The following LAMA2 variants were observed in gnomAD, a reference collection of about 807,000 sequenced individuals.
The protein encoded by LAMA2 is laminin subunit alpha-2.
LAMA2 carries 269 observed loss-of-function variants against 364.8 expected under a neutral mutation model. The ratio of observed to expected loss-of-function variants is 0.74; its 90% CI spans 0.67 to 0.82. LAMA2 has a LOEUF of 0.82. Ranked by LOEUF, LAMA2 falls within the 40% of genes least tolerant of loss-of-function variation. The probability of loss-of-function intolerance (pLI) is 0.00; values close to 1 mark genes in which losing one functional copy is unlikely to be tolerated. For synonymous variants in LAMA2, 1,379 were observed against 1,370.6 expected (o/e 1.01, Z -0.14); for missense variants, 3,807 against 3,873.2 (o/e 0.98, Z 0.45).
chr6:128,954,823 A>G (rs1042400380), intron 1 of LAMA2, among the ~76,000 whole-genome samples: 2 of 151,968 alleles, frequency 1.3e-5, no homozygotes, highest in East Asian at 1.9e-4. Flanking sequence ...ACTAGATTGC[A>G]TAAGATAAGC....
At chr6:129,355,850 C>CAGAAA (rs906385972) in intron 32 of LAMA2, among the ~76,000 whole-genome samples, 1 of 152,010 alleles carries the variant, frequency 6.6e-6, no homozygotes, top group Non-Finnish European at 1.5e-5. Flanking sequence ...ATTTCAAAAA[C>CAGAAA]AGAAAAGAAA....
chr6:129,505,401 CA>C (rs1454378455), intron 61 of LAMA2, 46 bp downstream of exon 61: 3 of 1,489,134 alleles, frequency 2.0e-6, no homozygotes, highest in Admixed American at 3.3e-5. Flanking sequence ...ATGGCTGATT[CA>C]TTTATTGATA....
chr6:129,005,079 G>A (rs942030859), intron 1 of LAMA2, among the ~76,000 whole-genome samples: 6 of 151,794 alleles, frequency 4.0e-5, no homozygotes, highest in African/African-American at 7.3e-5. Flanking sequence ...TTACTCTAAT[G>A]TGTTTTATTT....
At chr6:128,971,072 T>C (rs1042862933) in intron 1 of LAMA2, among the ~76,000 whole-genome samples, 1 of 152,224 alleles carries the variant, frequency 6.6e-6, no homozygotes, top group African/African-American at 2.4e-5. Flanking sequence ...TGTGCGTCCT[T>C]AGCTTTGACC....
rs1462835620 is a variant in LAMA2, at chr6:129,314,771, T to C, written c.3528T>C (p.Ser1176=). 4 of 1,614,072 alleles carry C rather than the reference T, an allele frequency of 2.5e-6. No individual in the cohort carries two copies. The highest frequency in any genetic ancestry group is 2.7e-5 in the African/African-American group (2 of 75,040). Residue 1176 remains serine (S), a synonymous_variant, in exon 24 of 65, where the codon TCT becomes TCC. Coordinates refer to ENST00000421865, the MANE Select transcript of LAMA2 (RefSeq NM_000426.4). ...CYCFGTTTQC[S]EAKGLIRTWV... Reference sequence around the variant, plus strand: ...GCTTCGGCACTACTACCCAGTGCTCTGAAGCAAAAGGACTGATCCGGACGT... The same window carrying C: ...GCTTCGGCACTACTACCCAGTGCTCCGAAGCAAAAGGACTGATCCGGACGT...
At chr6:129,442,168 A>G in intron 43 of LAMA2, 1 of 1,300,606 alleles carries the variant, frequency 7.7e-7, no homozygotes, top group Non-Finnish European at 1.0e-6. Context: ...TATGCCATAA[A>G]ATTCAAATGC....
chr6:129,354,460 T>G (rs1777040904), intron 32 of LAMA2, among the ~76,000 whole-genome samples: 1 of 152,122 alleles, frequency 6.6e-6, no homozygotes, highest in African/African-American at 2.4e-5. Context: ...TGATAGTATA[T>G]ACACACTAAT....
intron 8 of LAMA2, among the ~76,000 whole-genome samples, chr6:129,157,337 GT>G (rs1451450320): frequency 2.0e-5 from 3 of 152,178 alleles, no homozygotes; most frequent in Non-Finnish European, 4.4e-5. Context: ...AGAATGAAGT[GT>G]TTAGAAGTTC....
chr6:129,452,056 C>G (rs1782701321), intron 45 of LAMA2, among the ~76,000 whole-genome samples: 1 of 152,210 alleles, frequency 6.6e-6, no homozygotes, highest in Admixed American at 6.5e-5. Context: ...GATTTTACAT[C>G]TTCCCCTCTC....
intron 58 of LAMA2, among the ~76,000 whole-genome samples, chr6:129,496,171 T>C (rs1785175811): frequency 1.3e-5 from 2 of 152,076 alleles, no homozygotes; most frequent in South Asian, 2.1e-4. Flanking sequence ...GTTTGTTTGT[T>C]TGTCTGTTTT....
intron 1 of LAMA2, among the ~76,000 whole-genome samples, chr6:128,984,988 A>C (rs1297478866): frequency 6.6e-6 from 1 of 152,212 alleles, no homozygotes; most frequent in Non-Finnish European, 1.5e-5. Context: ...TGGTATGTCT[A>C]AGATACGTTA....
At position 129,514,391 on chromosome 6, in the gene LAMA2, A is replaced by C. The variant is rs371558408; in HGVS notation, c.9007A>C (p.Asn3003His). The change falls in exon 64 of 65, where the codon AAT becomes CAT. Residue 3003 changes from asparagine to histidine, a missense_variant. Asn to His is a moderately conservative substitution (Grantham distance 68, BLOSUM62 1). Coordinates refer to ENST00000421865, the MANE Select transcript of LAMA2 (RefSeq NM_000426.4). ...TTTCCAGTTGATGTTTCATGTGGACAATGGTGCGGGCAGATTCACTGCTGT... is the reference window on the plus strand; with the variant it reads ...TTTCCAGTTGATGTTTCATGTGGACCATGGTGCGGGCAGATTCACTGCTGT... ...IDEKLMFHVDNGAGRFTAVYD... is the reference protein window; with the variant it reads ...IDEKLMFHVDHGAGRFTAVYD... 1.9e-6 allele frequency: 3 copies of C among 1,613,488 alleles called. No homozygotes were observed. The highest frequency in any genetic ancestry group is 2.7e-5 in the African/African-American group (2 of 74,888).
At chr6:128,927,837 T>TA (rs1026502556) in intron 1 of LAMA2, among the ~76,000 whole-genome samples, 4 of 152,236 alleles carry the variant, frequency 2.6e-5, no homozygotes, top group Non-Finnish European at 4.4e-5. Flanking sequence ...TTGCTAATTT[T>TA]AAAAAATGAA....
In LAMA2 at chr6:128,921,711, T is replaced by TA. The variant is rs1554324961; in HGVS notation, c.112+38354_112+38355insA. On this transcript the variant is annotated intron_variant, in intron 1 of 64. Coordinates refer to ENST00000421865, the MANE Select transcript of LAMA2 (RefSeq NM_000426.4). Reference sequence around the variant, plus strand: ...AATGAATGTCTGTTTTTTTTTTTTTTTTATTATTATTATACTTTAAGTTTT... The same window carrying TA: ...AATGAATGTCTGTTTTTTTTTTTTTTATTATTATTATTATACTTTAAGTTTT... Among the ~76,000 whole-genome samples the TA allele has an allele frequency of 2.7e-4, 37 of 138,798 alleles. 1 individual carries two copies. Among genetic ancestry groups the TA allele is most frequent in the Middle Eastern group, 3.6e-3 (1 of 274 alleles). 91.1% of individuals were successfully genotyped at this position (138,798 alleles called of 152,430 possible).
intron 8 of LAMA2, among the ~76,000 whole-genome samples, chr6:129,162,893 G>C (rs1488009445): frequency 6.8e-6 from 1 of 147,986 alleles, no homozygotes; most frequent in African/African-American, 2.6e-5. Context: ...AGAACTAGGA[G>C]GGGGGGGAAG....
At chr6:129,108,447 A>G (rs1316448424) in intron 4 of LAMA2, among the ~76,000 whole-genome samples, 2 of 152,114 alleles carry the variant, frequency 1.3e-5, no homozygotes, top group African/African-American at 4.8e-5. Flanking sequence ...CTAGTGTTTT[A>G]GTGTCTTTAG....
intron 4 of LAMA2, among the ~76,000 whole-genome samples, chr6:129,123,146 A>G (rs1260915373): frequency 6.6e-6 from 1 of 151,848 alleles, no homozygotes; most frequent in East Asian, 1.9e-4. Context: ...CTACTAAAAA[A>G]CATCCAAAAA....
intron 22 of LAMA2, among the ~76,000 whole-genome samples, chr6:129,312,389 T>C (rs9402117): frequency 0.037 from 5,626 of 152,312 alleles, 181 homozygotes; most frequent in East Asian, 0.14. Flanking sequence ...TCACATAGCA[T>C]TTTGGACTTC....
chr6:129,173,357 T>G (rs1032419737), intron 9 of LAMA2, among the ~76,000 whole-genome samples: 4 of 152,220 alleles, frequency 2.6e-5, no homozygotes, highest in African/African-American at 9.6e-5. Flanking sequence ...CCATACATTT[T>G]TATTATGTGT....
Sources: allele counts gnomAD v4.1 joint callset (sites outside exome capture counted in the v4.1 genomes callset), GRCh38; gene constraint gnomAD v4.1.1; transcripts MANE v1.5; gene names NCBI Gene and HGNC (gene_info 2026-07-23, HGNC 2026-07-21).